The following KIF5B variants were observed in gnomAD, a reference collection of about 807,000 sequenced individuals.
KIF5B encodes the protein kinesin-1 heavy chain.
A neutral mutation model predicts 132.8 loss-of-function variants in KIF5B; 49 were observed. The ratio of observed to expected loss-of-function variants is 0.37; its 90% confidence interval spans 0.29 to 0.47. The LOEUF is 0.47. KIF5B is among the 20% of genes least tolerant of loss of function. The pLI is 1.00. For missense variants in KIF5B, 780 were observed against 1,144.0 expected (o/e 0.68, Z 4.59); for synonymous variants, 355 against 369.4 (o/e 0.96, Z 0.45).
intron 11 of KIF5B, 111 bp from the exon 12 acceptor site, chr10:32,034,149 C>T (rs1033118616): frequency 1.6e-6 from 1 of 639,942 alleles, no homozygotes; most frequent in Non-Finnish European, 2.5e-6. Context: ...CTCAATCTGT[C>T]ACCCTGGCTG....
rs187528878 is a variant in KIF5B, at chr10:32,026,331, G to A, written c.1725+2097C>T. ...CACACGCCTGTAATCCTAGCTACTC[G>A]GGAGGCCGAGGTGGGAGAATGGCAT... On this transcript the variant is annotated intron_variant, in intron 15 of 25. Coordinates refer to ENST00000302418, the MANE Select transcript of KIF5B (RefSeq NM_004521.3). Among the ~76,000 whole-genome samples the A allele has an allele frequency of 4.1e-3, 622 of 151,210 alleles. 1 individual carries two copies. Among genetic ancestry groups the A allele is most frequent in the African/African-American group, 0.015 (603 of 41,236 alleles).
chr10:32,034,335 C>T (rs941385952), intron 11 of KIF5B, among the ~76,000 whole-genome samples: 1 of 152,116 alleles, frequency 6.6e-6, no homozygotes, highest in Admixed American at 6.5e-5. Context: ...TGGTCTCTAA[C>T]TCCTGACCTC....
chr10:32,013,671 G>A (rs1841116024), intron 25 of KIF5B, among the ~76,000 whole-genome samples: 1 of 152,200 alleles, frequency 6.6e-6, no homozygotes, highest in South Asian at 2.1e-4. Flanking sequence ...CTTACTGGGT[G>A]TGATAATATT....
At chr10:32,012,374 G>A (rs1231449007) in intron 25 of KIF5B, among the ~76,000 whole-genome samples, 1 of 152,108 alleles carries the variant, frequency 6.6e-6, no homozygotes, top group Non-Finnish European at 1.5e-5. Flanking sequence ...ACTCGGGAGG[G>A]TGAGGCAGGG....
chr10:32,029,260 G>A (rs896219621), intron 14 of KIF5B, among the ~76,000 whole-genome samples: 3 of 152,188 alleles, frequency 2.0e-5, no homozygotes, highest in African/African-American at 7.2e-5. Flanking sequence ...GGGACTTTTT[G>A]AGTGCTTGCA....
At chr10:32,014,332 G>A (rs769527405) in intron 25 of KIF5B, among the ~76,000 whole-genome samples, 18 of 151,742 alleles carry the variant, frequency 1.2e-4, no homozygotes, top group African/African-American at 3.9e-4. Flanking sequence ...CAGAGGTTGC[G>A]GTGAGCCAAG....
At chr10:32,044,559 C>A (rs1354081434) in intron 2 of KIF5B, among the ~76,000 whole-genome samples, 1 of 152,110 alleles carries the variant, frequency 6.6e-6, no homozygotes, top group Non-Finnish European at 1.5e-5. Context: ...GTAATCCCAG[C>A]TACTCAGGAG....
intron 10 of KIF5B, among the ~76,000 whole-genome samples, chr10:32,035,281 T>C (rs1486653892): frequency 6.6e-6 from 1 of 152,236 alleles, no homozygotes. Context: ...TTTTCTTTAA[T>C]ACCAAATTAC....
At chr10:32,036,038 A>G in intron 8 of KIF5B, 44 bp from the exon 9 acceptor site, 1 of 1,310,676 alleles carries the variant, frequency 7.6e-7, no homozygotes, top group Non-Finnish European at 1.0e-6. Context: ...TTACAAGTTT[A>G]TAATTTTCTT....
chr10:32,051,661 A>AT (rs760341301), intron 1 of KIF5B, among the ~76,000 whole-genome samples: 2 of 152,240 alleles, frequency 1.3e-5, no homozygotes, highest in African/African-American at 2.4e-5. Context: ...AGTGCTTAGC[A>AT]TTAAGTTGAC....
At chr10:32,053,632 G>A (rs958230583) in intron 1 of KIF5B, among the ~76,000 whole-genome samples, 1 of 151,630 alleles carries the variant, frequency 6.6e-6, no homozygotes, top group Non-Finnish European at 1.5e-5. Context: ...GCTGAGGCAG[G>A]AGAATCGTTT....
chr10:32,012,262 CAGG>C (rs1359484626), intron 25 of KIF5B, among the ~76,000 whole-genome samples: 1 of 152,176 alleles, frequency 6.6e-6, no homozygotes, highest in East Asian at 1.9e-4. Flanking sequence ...CACCTGCGGT[CAGG>C]AGTTCAATAC....
At chr10:32,026,436 T>C (rs202090749) in intron 15 of KIF5B, among the ~76,000 whole-genome samples, 1 of 5,988 alleles carries the variant, frequency 1.7e-4, no homozygotes. Context: ...AGATTCCGTC[T>C]CAAAAAAAAA....
At chr10:32,050,740 A>T (rs537530979) in intron 1 of KIF5B, among the ~76,000 whole-genome samples, 16 of 152,356 alleles carry the variant, frequency 1.1e-4, no homozygotes, top group African/African-American at 3.8e-4. Context: ...TTTAGTTGTG[A>T]CATATGTGAA....
intron 2 of KIF5B, among the ~76,000 whole-genome samples, chr10:32,046,921 T>C (rs991479209): frequency 8.7e-6 from 1 of 115,582 alleles, no homozygotes; most frequent in African/African-American, 2.8e-5. Flanking sequence ...CCAAACACCA[T>C]GGCTTAGCCT....
chr10:32,013,175 C>T (rs1234734396), intron 25 of KIF5B, among the ~76,000 whole-genome samples: 3 of 152,128 alleles, frequency 2.0e-5, no homozygotes, highest in African/African-American at 7.2e-5. Flanking sequence ...GCTGGGATTA[C>T]AGGTGTGAGC....
chr10:32,050,244 C>T (rs1841674184), intron 1 of KIF5B, among the ~76,000 whole-genome samples: 1 of 152,182 alleles, frequency 6.6e-6, no homozygotes, highest in Non-Finnish European at 1.5e-5. Context: ...CCAGACACTC[C>T]TAAAGCCATT....
intron 16 of KIF5B, 116 bp downstream of exon 16, chr10:32,022,732 G>GA (rs950866092): frequency 8.7e-6 from 6 of 692,336 alleles, no homozygotes; most frequent in Middle Eastern, 4.2e-4. Context: ...GCTAGACTAG[G>GA]AAAAAAACAA....
At chr10:32,052,055 A>G (rs956494143) in intron 1 of KIF5B, among the ~76,000 whole-genome samples, 11 of 152,332 alleles carry the variant, frequency 7.2e-5, no homozygotes, top group Non-Finnish European at 1.0e-4. Context: ...TCAAAAAGGA[A>G]TAAGTTGATC....
Sources: gnomAD v4.1 joint callset for allele counts (sites outside exome capture counted in the v4.1 genomes callset) on GRCh38, gnomAD v4.1.1 for gene constraint, MANE v1.5 for transcripts, NCBI Gene and HGNC (gene_info 2026-07-23, HGNC 2026-07-21) for gene names.